NPAT: variants seen among roughly 807,000 people sequenced by gnomAD.
The protein encoded by NPAT is nuclear protein, coactivator of histone transcription.
In NPAT, 52 loss-of-function variants were observed where a neutral mutation model predicts 130.7. The ratio of observed to expected loss-of-function variants is 0.40; its 90% CI spans 0.32 to 0.50. The LOEUF is 0.50. NPAT is among the 20% of genes least tolerant of loss of function. The pLI is 0.68. For missense variants in NPAT, 1,687 were observed against 1,662.6 expected, an observed-to-expected ratio of 1.01 and a Z score of -0.26; for synonymous variants, 580 against 584.8, an observed-to-expected ratio of 0.99 and a Z score of 0.12.
At chr11:108,203,268 T>A (rs1284482359) in intron 1 of NPAT, among the ~76,000 whole-genome samples, 1 of 152,152 alleles carries the variant, frequency 6.6e-6, no homozygotes, top group Non-Finnish European at 1.5e-5. Context: ...TTTGGCCCAT[T>A]TCCAATAGGA....
chr11:108,169,806 G>A lies in NPAT; in HGVS notation c.2948C>T (p.Pro983Leu). Reference sequence around the variant, plus strand: ...AGATTTTGGAGGGACGGGGAATTGAGGGATACTTCTATTGCATACAGGTGC... The same window carrying A: ...AGATTTTGGAGGGACGGGGAATTGAAGGATACTTCTATTGCATACAGGTGC... ...LTAPVCNRSI[P>L]QFPVPPKSQK... is the part of the protein sequence containing the mutation. The change falls in exon 15 of 18, where the codon CCT (proline) becomes CTT (leucine). Residue 983 changes from proline (P) to leucine (L), a missense_variant. Pro to Leu is a moderately conservative substitution (Grantham distance 98). Around this residue, in one of 3 missense-constraint regions of NPAT, gnomAD observed 1,379 missense variants for 1,346.6 expected, o/e 1.02. Coordinates refer to ENST00000278612, the MANE Select transcript of NPAT (RefSeq NM_002519.3). The A allele has an allele frequency of 1.2e-6, 2 of 1,614,016 alleles. No individual in the cohort carries two copies. The highest frequency in any genetic ancestry group is 1.7e-6 in the Non-Finnish European group (2 of 1,179,924).
chr11:108,197,163 G>A, intron 2 of NPAT, 139 bp downstream of exon 2: 7 of 685,662 alleles, frequency 1.0e-5, no homozygotes, highest in South Asian at 8.2e-5. Flanking sequence ...TCTTCTTTGG[G>A]TCTTACCAGT....
At chr11:108,211,164 C>T (rs974168468) in intron 1 of NPAT, among the ~76,000 whole-genome samples, 33 of 151,522 alleles carry the variant, frequency 2.2e-4, no homozygotes, top group Admixed American at 1.2e-3. Flanking sequence ...TGCAGTGAGC[C>T]GAGATCGCGC....
At position 108,172,519 on chromosome 11, in the gene NPAT, G is replaced by C; in HGVS notation, c.2465C>G (p.Ser822Cys). 1 of 1,614,176 alleles carries C rather than the reference G, an allele frequency of 6.2e-7. No homozygotes were observed. Among genetic ancestry groups the C allele is most frequent in the Non-Finnish European group, 8.5e-7 (1 of 1,180,034 alleles). Residue 822 changes from serine to cysteine, a missense_variant, in exon 13 of 18, where the codon TCT (serine) becomes TGT (cysteine). By Grantham distance (112) the Ser-to-Cys change is moderately radical (BLOSUM62 -1). Coordinates refer to ENST00000278612, the MANE Select transcript of NPAT (RefSeq NM_002519.3). ...QSLLTFKSED[S>C]AVNNTQNEDG... ...TTCATTCTGAGTATTGTTTACTGCAGAGTCTTCAGATTTGAATGTTAAAAG... is the reference window on the plus strand; with the variant it reads ...TTCATTCTGAGTATTGTTTACTGCACAGTCTTCAGATTTGAATGTTAAAAG...
chr11:108,176,957 CCTTT>C lies in NPAT; in HGVS notation c.1003+33_1003+36del, dbSNP rs764387514. On this transcript the variant is annotated intron_variant, in intron 11 of 17. Coordinates refer to ENST00000278612, the MANE Select transcript of NPAT (RefSeq NM_002519.3). ...TAAGTTACCAAAGAAATTGTAGAAG[CCTTT>C]TTTTTCTGTCTTGAAATAAATAGTC... 6 of 1,341,972 alleles carry C rather than the reference CCTTT, an allele frequency of 4.5e-6. No individual in the cohort carries two copies. In the Middle Eastern group the frequency reaches 5.4e-4, roughly 121 times the overall value. The allele number at this position is 1,341,972 out of a possible 1,614,324, so 83.1% of individuals were successfully genotyped here.
chr11:108,185,380 C>T (rs771730375), intron 9 of NPAT, 23 bp downstream of exon 9: 1 of 1,571,652 alleles, frequency 6.4e-7, no homozygotes, highest in Admixed American at 1.7e-5. Context: ...AACAATTAGG[C>T]ATTTTAAACA....
Position 108,172,914 on chromosome 11 carries a change from T to G in NPAT, c.2070A>C (p.Pro690=). 1 of 1,614,158 alleles carries G rather than the reference T, an allele frequency of 6.2e-7. No homozygotes were observed. Among genetic ancestry groups the G allele is most frequent in the Non-Finnish European group, 8.5e-7 (1 of 1,180,018 alleles). ...ANCEKVALTP[P]EGTPVENSHS... ...GACTGTTTTCTACAGGAGTGCCTTC[T>G]GGAGGCGTCAGTGCAACTTTCTCAC... The change falls in exon 13 of 18, where the codon CCA becomes CCC. Residue 690 remains proline (P), a synonymous_variant. Coordinates refer to ENST00000278612, the MANE Select transcript of NPAT (RefSeq NM_002519.3).
intron 10 of NPAT, among the ~76,000 whole-genome samples, chr11:108,182,617 C>A (rs1046592026): frequency 2.6e-5 from 4 of 152,358 alleles, no homozygotes; most frequent in East Asian, 3.9e-4. Context: ...CTTGCCTCAG[C>A]CTTCTGTGTA....
chr11:108,180,555 G>A (rs1333708959), intron 10 of NPAT, among the ~76,000 whole-genome samples: 2 of 152,174 alleles, frequency 1.3e-5, no homozygotes, highest in African/African-American at 2.4e-5. Context: ...AAAATGACAC[G>A]TGTTGATGAG....
chr11:108,214,015 G>A (rs1164399303), intron 1 of NPAT, among the ~76,000 whole-genome samples: 5 of 152,092 alleles, frequency 3.3e-5, no homozygotes, highest in Non-Finnish European at 7.3e-5. Flanking sequence ...AGCCAACCCA[G>A]TAGCTAGGAC....
Position 108,169,726 on chromosome 11 carries a change from T to C in NPAT, c.3010+18A>G, listed in dbSNP as rs768045973. 1 of 1,504,094 alleles carries C rather than the reference T, an allele frequency of 6.6e-7. No individual in the cohort carries two copies. The highest frequency in any genetic ancestry group is 1.1e-5 in the South Asian group (1 of 88,814). 93.2% of individuals were successfully genotyped at this position (1,504,094 alleles called of 1,614,324 possible). On this transcript the variant is annotated intron_variant, in intron 15 of 17. Transcript: ENST00000278612. ...CATACAAACATAAAGTTAACATTAA[T>C]GAAATTAAAAATGGTACCTATACAA...
chr11:108,201,900 C>T (rs1027749677), intron 1 of NPAT, among the ~76,000 whole-genome samples: 1 of 152,140 alleles, frequency 6.6e-6, no homozygotes, highest in African/African-American at 2.4e-5. Flanking sequence ...TCAGAGAGGA[C>T]CTTGAAGAAA....
At chr11:108,213,574 T>C (rs1312173218) in intron 1 of NPAT, among the ~76,000 whole-genome samples, 2 of 152,198 alleles carry the variant, frequency 1.3e-5, no homozygotes, top group East Asian at 1.9e-4. Flanking sequence ...AAAAACTCAA[T>C]ACTCCCAAAA....
At chr11:108,180,894 T>C (rs1194482907) in intron 10 of NPAT, among the ~76,000 whole-genome samples, 1 of 152,192 alleles carries the variant, frequency 6.6e-6, no homozygotes, top group African/African-American at 2.4e-5. Context: ...ACAGGCCATG[T>C]AGAACCTTGA....
At chr11:108,206,179 T>C (rs980080915) in intron 1 of NPAT, among the ~76,000 whole-genome samples, 1 of 152,272 alleles carries the variant, frequency 6.6e-6, no homozygotes, top group Non-Finnish European at 1.5e-5. Flanking sequence ...GTGTAATTTA[T>C]ATGACCTTAA....
chr11:108,177,115 G>C (rs1436930531), intron 10 of NPAT, 25 bp from the exon 11 acceptor site: 1 of 1,269,714 alleles, frequency 7.9e-7, no homozygotes, highest in Non-Finnish European at 1.2e-6. Flanking sequence ...TGGCGTGAAG[G>C]CATGATTCTA....
At position 108,161,081 on chromosome 11, in the gene NPAT, T is replaced by C; in HGVS notation, c.4005A>G (p.Leu1335=). 1 of 1,614,158 alleles carries C rather than the reference T, an allele frequency of 6.2e-7. No individual in the cohort carries two copies. The change falls in exon 17 of 18, where the codon TTA becomes TTG. Residue 1335 remains leucine (L), a synonymous_variant. Coordinates refer to ENST00000278612, the MANE Select transcript of NPAT (RefSeq NM_002519.3). ...ENSVNMAAHT[L]MILSRAAISR... ...AAATGGCTGCCCTGGAGAGAATCAT[T>C]AATGTGTGGGCAGCCATATTTACAC...
At chr11:108,164,245 C>A (rs562197297) in intron 15 of NPAT, among the ~76,000 whole-genome samples, 2 of 152,206 alleles carry the variant, frequency 1.3e-5, no homozygotes, top group Non-Finnish European at 2.9e-5. Context: ...AAAGCAGACA[C>A]GCAGATATTT....
At chr11:108,213,714 G>A (rs775918891) in intron 1 of NPAT, among the ~76,000 whole-genome samples, 41 of 152,100 alleles carry the variant, frequency 2.7e-4, no homozygotes, top group Non-Finnish European at 4.4e-4. Context: ...TGAAAATGAA[G>A]AAAAAGTTGA....
Sources: gnomAD v4.1 joint callset for allele counts (sites outside exome capture counted in the v4.1 genomes callset) on GRCh38, gnomAD v4.1.1 for gene constraint, gnomAD v4.1.1 regional missense constraint, MANE v1.5 for transcripts, NCBI Gene and HGNC (gene_info 2026-07-23, HGNC 2026-07-21) for gene names.